MYO1A: variants seen among roughly 807,000 people sequenced by gnomAD.
The protein encoded by MYO1A is unconventional myosin-Ia.
MYO1A carries 127 observed loss-of-function variants against 138.5 expected under a neutral mutation model. That is an observed-to-expected ratio of 0.92 (90% CI 0.79 to 1.06). MYO1A has a LOEUF of 1.06. Among genes scored for constraint, MYO1A ranks in the 50% least tolerant of loss-of-function variants. MYO1A has a pLI of 0.00. For missense variants in MYO1A, 1,211 were observed against 1,288.8 expected (o/e 0.94, Z 0.92); for synonymous variants, 477 against 497.5 (o/e 0.96, Z 0.55).
At chr12:57,043,757 T>A (rs2030968529) in intron 10 of MYO1A, 99 bp downstream of exon 10, 1 of 1,522,686 alleles carries the variant, frequency 6.6e-7, no homozygotes, top group Non-Finnish European at 9.0e-7. Flanking sequence ...TGGGACTGCA[T>A]CAGGGTGAGA....
In MYO1A at chr12:57,028,712, G is replaced by C. The variant is rs749273452; in HGVS notation, c.*43C>G. ...GGAGGGCAGAGGGGGATTAGTGCTG[G>C]TTCAGGAGGAAGCAACTGCCATCTC... On this transcript the variant is annotated 3_prime_UTR_variant, in exon 28 of 28. Transcript: ENST00000300119. The C allele has an allele frequency of 1.2e-6, 2 of 1,611,716 alleles. No homozygotes were observed. Among genetic ancestry groups the C allele is most frequent in the African/African-American group, 1.3e-5 (1 of 74,904 alleles).
In MYO1A at chr12:57,044,233, G is replaced by A. The variant is rs772839120; in HGVS notation, c.641-24C>T. 3.1e-6 allele frequency: 5 copies of A among 1,594,974 alleles called. No homozygotes were observed. In the East Asian group the frequency reaches 8.9e-5, roughly 29 times the overall value. ...CTCTGGGAGGGCCAGTGTTGGGGAAGATGGTTAGTACCCAGGCTCTCTGGA... is the reference window on the plus strand; with the variant it reads ...CTCTGGGAGGGCCAGTGTTGGGGAAAATGGTTAGTACCCAGGCTCTCTGGA... On this transcript the variant is annotated intron_variant, in intron 8 of 27. Coordinates refer to ENST00000300119, the MANE Select transcript of MYO1A (RefSeq NM_005379.4).
intron 19 of MYO1A, 113 bp from the exon 20 acceptor site, chr12:57,037,204 T>G: frequency 7.6e-7 from 1 of 1,313,354 alleles, no homozygotes; most frequent in Non-Finnish European, 1.1e-6. Flanking sequence ...TGATCATTCC[T>G]TTGTCTTCTT....
intron 24 of MYO1A, 125 bp from the exon 25 acceptor site, chr12:57,029,997 A>G (rs2030196036): frequency 1.3e-6 from 2 of 1,506,154 alleles, no homozygotes; most frequent in South Asian, 2.3e-5. Context: ...CAGTGTCCAC[A>G]GAGCACAGTC....
At chr12:57,043,431 G>T in intron 10 of MYO1A, 73 bp from the exon 11 acceptor site, 2 of 1,406,374 alleles carry the variant, frequency 1.4e-6, no homozygotes, top group Non-Finnish European at 2.0e-6. Flanking sequence ...AATCTGATAA[G>T]TGAAACTGCC....
chr12:57,037,972 C>A lies in MYO1A; in HGVS notation c.1858G>T (p.Val620Leu). ...CGGTGGGCATAGCCTGCCCGTCGCA[C>A]CCGTACGTTCTCCAGCAGTCCCAGG... ...RYLGLLENVR[V>L]RRAGYAHRQG... Residue 620 changes from valine (V) to leucine (L), a missense_variant, in exon 18 of 28, where the codon GTG (valine) becomes TTG (leucine). By Grantham distance (32) the Val-to-Leu change is conservative. Coordinates refer to ENST00000300119, the MANE Select transcript of MYO1A (RefSeq NM_005379.4). 6.2e-7 allele frequency: 1 copy of A among 1,614,198 alleles called. No individual in the cohort carries two copies. The highest frequency in any genetic ancestry group is 8.5e-7 in the Non-Finnish European group (1 of 1,180,048).
rs2030742296 is a variant in MYO1A at position 57,039,156 on chromosome 12, G to A, written c.1332+56C>T. 19 of 1,578,066 alleles carry A rather than the reference G, an allele frequency of 1.2e-5. No homozygotes were observed. The South Asian group carries it at 2.1e-4, about 17-fold the overall frequency. The stretch of plus-strand genomic sequence containing the variant: ...GGAATCAGGGAGAGAGACAGGGGAA[G>A]GATGTTCAGGCAGTCTGGAAGGGGA... On this transcript the variant is annotated intron_variant, in intron 15 of 27. Coordinates refer to ENST00000300119, the MANE Select transcript of MYO1A (RefSeq NM_005379.4).
intron 23 of MYO1A, 62 bp downstream of exon 23, chr12:57,030,978 G>A: frequency 6.3e-7 from 1 of 1,596,330 alleles, no homozygotes; most frequent in East Asian, 2.2e-5. Context: ...GGCAAAAGAG[G>A]AAAATCAGGG....
rs763571221 is a variant in MYO1A at position 57,043,894 on chromosome 12, G to A, written c.854C>T (p.Ala285Val). 2 of 1,614,046 alleles carry A rather than the reference G, an allele frequency of 1.2e-6. No homozygotes were observed. The highest frequency in any genetic ancestry group is 1.7e-6 in the Non-Finnish European group (2 of 1,179,986). Residue 285 changes from alanine to valine, a missense_variant, in exon 10 of 28, where the codon GCC (alanine) becomes GTC (valine). Ala to Val is a moderately conservative substitution (Grantham distance 64, BLOSUM62 0). Transcript: ENST00000300119. ...GNVLVADEFQ[A>V]SGIPASGIRD... Reference sequence around the variant, plus strand: ...GATGCCACTTGCTGGTATCCCACTGGCCTGGAACTCATCAGCCACCAACAC... The same window carrying A: ...GATGCCACTTGCTGGTATCCCACTGACCTGGAACTCATCAGCCACCAACAC...
intron 23 of MYO1A, among the ~76,000 whole-genome samples, chr12:57,030,668 A>T (rs942196393): frequency 6.6e-6 from 1 of 152,236 alleles, no homozygotes; most frequent in Non-Finnish European, 1.5e-5. Context: ...AAAAGGACAA[A>T]TATGATTCCC....
Position 57,038,085 on chromosome 12 carries a change from G to A in MYO1A, c.1761-16C>T. Reference sequence around the variant, plus strand: ...CTTTATGCACCTGGTGGGAGGTGGGGTAAGGCACAGCCTTCAGGAGCTGAC... The same window carrying A: ...CTTTATGCACCTGGTGGGAGGTGGGATAAGGCACAGCCTTCAGGAGCTGAC... On this transcript the variant is annotated splice_polypyrimidine_tract_variant and intron_variant, in intron 17 of 27. Coordinates refer to ENST00000300119, the MANE Select transcript of MYO1A (RefSeq NM_005379.4). 1 of 1,613,318 alleles carries A rather than the reference G, an allele frequency of 6.2e-7. No individual in the cohort carries two copies. Among genetic ancestry groups the A allele is most frequent in the Non-Finnish European group, 8.5e-7 (1 of 1,179,794 alleles).
rs987800347 is a variant in MYO1A, at chr12:57,041,260, T to C, written c.1193A>G (p.Asn398Ser). The C allele has an allele frequency of 6.8e-6, 11 of 1,614,144 alleles. No individual in the cohort carries two copies. Among genetic ancestry groups the C allele is most frequent in the Middle Eastern group, 1.7e-4 (1 of 6,034 alleles). ...EDNSFEQFVI[N>S]YCNEKLQQVF... ...CTGCTGCAGCTTCTCATTGCAGTAG[T>C]TGATCACAAATTGCTCAAAGCTATT... is the stretch of plus-strand genomic sequence containing the variant. The change falls in exon 14 of 28, where the codon AAC becomes AGC. Residue 398 changes from asparagine to serine, a missense_variant. Physicochemically the swap from Asn to Ser is conservative, Grantham distance 46. Transcript: ENST00000300119.
rs372701066 is a variant in MYO1A at position 57,046,634 on chromosome 12, G to C, written c.558C>G (p.Ser186=). Residue 186 remains serine (S), a synonymous_variant, in exon 8 of 28, where the codon TCC becomes TCG. Transcript: ENST00000300119. The part of the protein sequence containing the change: ...GVITNYLLEK[S]RLVKQLKGER... Reference sequence around the variant, plus strand: ...CTCCTTTGAGCTGCTTCACTAATCGGGATTTCTCAAGCAGATCTGGCAGAG... The same window carrying C: ...CTCCTTTGAGCTGCTTCACTAATCGCGATTTCTCAAGCAGATCTGGCAGAG... The C allele has an allele frequency of 1.9e-5, 31 of 1,613,800 alleles. No individual in the cohort carries two copies. Among genetic ancestry groups the C allele is most frequent in the Non-Finnish European group, 2.5e-5 (30 of 1,179,856 alleles).
chr12:57,030,186 G>C, intron 24 of MYO1A, 24 bp downstream of exon 24: 1 of 1,585,042 alleles, frequency 6.3e-7, no homozygotes, highest in Non-Finnish European at 8.7e-7. Context: ...GGAACTGGCT[G>C]TGCAGGGTCT....
intron 12 of MYO1A, among the ~76,000 whole-genome samples, chr12:57,042,771 T>C (rs1306608415): frequency 6.6e-6 from 1 of 152,180 alleles, no homozygotes; most frequent in Admixed American, 6.5e-5. Flanking sequence ...TAGTGTTTCT[T>C]AGTGGGCATT....
At position 57,041,261 on chromosome 12, in the gene MYO1A, T is replaced by C; in HGVS notation, c.1192A>G (p.Asn398Asp). 6.2e-7 allele frequency: 1 copy of C among 1,614,154 alleles called. No homozygotes were observed. ...TGCTGCAGCTTCTCATTGCAGTAGT[T>C]GATCACAAATTGCTCAAAGCTATTA... ...EDNSFEQFVINYCNEKLQQVF... is the reference protein window; with the variant it reads ...EDNSFEQFVIDYCNEKLQQVF... The change falls in exon 14 of 28, where the codon AAC becomes GAC. Residue 398 changes from asparagine (N) to aspartate (D), a missense_variant. Transcript: ENST00000300119.
chr12:57,040,779 G>A (rs1007015644), intron 14 of MYO1A, among the ~76,000 whole-genome samples: 1 of 152,210 alleles, frequency 6.6e-6, no homozygotes, highest in Admixed American at 6.5e-5. Context: ...CTGGGATCAT[G>A]GTGTTACAAG....
chr12:57,049,533 A>G (rs1365628530), intron 1 of MYO1A, among the ~76,000 whole-genome samples: 2 of 152,230 alleles, frequency 1.3e-5, no homozygotes, highest in African/African-American at 2.4e-5. Flanking sequence ...TGAGGAAGCA[A>G]TAAGAATATC....
Position 57,028,686 on chromosome 12 carries a change from A to C in MYO1A, c.*69T>G. On this transcript the variant is annotated 3_prime_UTR_variant, in exon 28 of 28. Transcript: ENST00000300119. ...AGAGGGGTTAGAGATCCTCCCACAC[A>C]GGAGGGCAGAGGGGGATTAGTGCTG... is the stretch of plus-strand genomic sequence containing the variant. 1 of 1,591,668 alleles carries C rather than the reference A, an allele frequency of 6.3e-7. No individual in the cohort carries two copies.
Sources: allele counts gnomAD v4.1 joint callset (sites outside exome capture counted in the v4.1 genomes callset), GRCh38; gene constraint gnomAD v4.1.1; transcripts MANE v1.5; gene names NCBI Gene and HGNC (gene_info 2026-07-23, HGNC 2026-07-21).